Variants in CSMD1 observed in about 807,000 individuals in gnomAD.
CSMD1 encodes CUB and sushi domain-containing protein 1.
A neutral mutation model predicts 417.5 loss-of-function variants in CSMD1; 213 were observed. The observed-to-expected ratio is 0.51, with a 90% confidence interval of 0.46 to 0.57. The LOEUF is 0.57. Among genes scored for constraint, CSMD1 ranks in the 20% least tolerant of loss-of-function variants. The pLI is 0.00. For missense variants in CSMD1, 6,923 were observed against 4,529.7 expected (o/e 1.53, Z -15.17); for synonymous variants, 2,862 against 1,736.8 (o/e 1.65, Z -16.11).
At chr8:4,705,953 C>T (rs997110168) in intron 1 of CSMD1, among the ~76,000 whole-genome samples, 1 of 151,904 alleles carries the variant, frequency 6.6e-6, no homozygotes, top group Non-Finnish European at 1.5e-5. Context: ...ATCTCTTCAA[C>T]AAACCTCTGG....
chr8:4,191,810 C>T (rs922123676), intron 3 of CSMD1, among the ~76,000 whole-genome samples: 1 of 151,762 alleles, frequency 6.6e-6, no homozygotes, highest in South Asian at 2.1e-4. Context: ...ACTTCATCTC[C>T]TATCGAATGA....
intron 5 of CSMD1, among the ~76,000 whole-genome samples, chr8:3,766,904 T>C (rs140790262): frequency 1.3e-3 from 199 of 152,290 alleles, no homozygotes; most frequent in African/African-American, 4.6e-3. Flanking sequence ...GCAGACCTTG[T>C]TCAGTCAGCT....
intron 11 of CSMD1, among the ~76,000 whole-genome samples, chr8:3,478,929 T>C (rs996697078): frequency 6.6e-6 from 1 of 151,834 alleles, no homozygotes; most frequent in African/African-American, 2.4e-5. Flanking sequence ...GACACAGCGG[T>C]AGAGTGGGCG....
intron 3 of CSMD1, among the ~76,000 whole-genome samples, chr8:4,108,060 ACAGAGACAGAGACAGAGAGAGAG>A (rs1801661409): frequency 6.6e-6 from 1 of 151,366 alleles, no homozygotes; most frequent in Non-Finnish European, 1.5e-5. Context: ...AGAGACAGAG[ACAGAGACAGAGACAGAGAGAGAG>A]ACAGAGAGAG....
intron 3 of CSMD1, among the ~76,000 whole-genome samples, chr8:4,331,469 T>A (rs904217250): frequency 6.6e-6 from 1 of 152,144 alleles, no homozygotes; most frequent in African/African-American, 2.4e-5. Flanking sequence ...TTGCCAGCCT[T>A]CTTTTGGGTT....
intron 10 of CSMD1, among the ~76,000 whole-genome samples, chr8:3,520,565 G>T (rs542372679): frequency 6.6e-6 from 1 of 152,026 alleles, no homozygotes; most frequent in East Asian, 1.9e-4. Context: ...CTAGAAGTGC[G>T]TACATTTAAC....
At chr8:3,981,930 G>C (rs553276893) in intron 5 of CSMD1, among the ~76,000 whole-genome samples, 30 of 152,134 alleles carry the variant, frequency 2.0e-4, no homozygotes, top group African/African-American at 7.0e-4. Flanking sequence ...CCGGCACTTT[G>C]GGAGGCCGAG....
chr8:4,234,180 G>C (rs142034687), intron 3 of CSMD1, among the ~76,000 whole-genome samples: 1 of 152,152 alleles, frequency 6.6e-6, no homozygotes. Context: ...GTTAACTCTT[G>C]ACTTAGACCA....
intron 42 of CSMD1, among the ~76,000 whole-genome samples, chr8:3,117,831 A>G (rs1466847434): frequency 6.6e-6 from 1 of 152,068 alleles, no homozygotes; most frequent in Non-Finnish European, 1.5e-5. Flanking sequence ...ATTTTCTCCT[A>G]TGGCTACCTG....
intron 50 of CSMD1, among the ~76,000 whole-genome samples, chr8:3,046,514 C>G (rs1300340860): frequency 6.6e-6 from 1 of 152,162 alleles, no homozygotes; most frequent in African/African-American, 2.4e-5. Flanking sequence ...GTCTCCTGAT[C>G]CTCGCCCCCA....
chr8:3,868,931 A>T (rs1316191724), intron 5 of CSMD1, among the ~76,000 whole-genome samples: 1 of 152,144 alleles, frequency 6.6e-6, no homozygotes, highest in African/African-American at 2.4e-5. Context: ...CTAACACCCC[A>T]GAGCCAAAGA....
At chr8:3,824,065 G>A (rs7845150) in intron 5 of CSMD1, among the ~76,000 whole-genome samples, 110,354 of 151,916 alleles carry the variant, frequency 0.73, 40,436 homozygotes, top group African/African-American at 0.83. Flanking sequence ...CTTCATCCTG[G>A]TGATTTGTAG....
chr8:4,378,461 A>T lies in CSMD1; in HGVS notation c.415+41492T>A, dbSNP rs138345184. ...TCTCAAAAATTATTCTCTGTCTAGC[A>T]CTCTGTCTCCCTAGTTTTTATCCCC... On this transcript the variant is annotated intron_variant, in intron 3 of 69. Transcript: ENST00000635120. Among the ~76,000 whole-genome samples the T allele has an allele frequency of 3.0e-3, 450 of 152,056 alleles. 2 individuals carry two copies. In the Middle Eastern group the frequency reaches 0.041, roughly 14 times the overall value.
chr8:4,912,929 G>A (rs989948110), intron 1 of CSMD1, among the ~76,000 whole-genome samples: 4 of 152,188 alleles, frequency 2.6e-5, no homozygotes, highest in African/African-American at 7.2e-5. Flanking sequence ...GGGACTACAG[G>A]CACCCACCAC....
intron 1 of CSMD1, among the ~76,000 whole-genome samples, chr8:4,749,779 T>TAA (rs1262332073): frequency 7.2e-5 from 11 of 152,196 alleles, no homozygotes; most frequent in African/African-American, 2.7e-4. Flanking sequence ...TTAAAATGTG[T>TAA]AAGTCTGGGC....
chr8:4,051,872 C>CTTTCT (rs1554429001), intron 3 of CSMD1, among the ~76,000 whole-genome samples: 2 of 37,578 alleles, frequency 5.3e-5, no homozygotes, highest in African/African-American at 1.6e-4. Context: ...TTCTTTCCTT[C>CTTTCT]CTCCTTTCTT....
At chr8:4,690,795 C>T (rs1383100884) in intron 1 of CSMD1, among the ~76,000 whole-genome samples, 1 of 152,156 alleles carries the variant, frequency 6.6e-6, no homozygotes, top group Non-Finnish European at 1.5e-5. Flanking sequence ...CTGGTGCGAT[C>T]TCGGCTCACT....
intron 64 of CSMD1, among the ~76,000 whole-genome samples, chr8:2,954,931 G>A (rs936619514): frequency 3.3e-5 from 5 of 152,086 alleles, no homozygotes; most frequent in African/African-American, 1.2e-4. Context: ...TGTCTCACAC[G>A]CCATCATTTT....
At chr8:4,464,268 G>A (rs1380168485) in intron 2 of CSMD1, among the ~76,000 whole-genome samples, 1 of 151,954 alleles carries the variant, frequency 6.6e-6, no homozygotes, top group Non-Finnish European at 1.5e-5. Context: ...GTGATTGTAT[G>A]AAGCACAGGG....
Sources: gnomAD v4.1 joint callset for allele counts (sites outside exome capture counted in the v4.1 genomes callset) on GRCh38, gnomAD v4.1.1 for gene constraint, MANE v1.5 for transcripts, NCBI Gene and HGNC (gene_info 2026-07-23, HGNC 2026-07-21) for gene names.